SOX5: variants seen among roughly 807,000 people sequenced by gnomAD.
SOX5 encodes transcription factor SOX-5.
Under a neutral mutation model 92.0 loss-of-function variants are expected in SOX5, and 9 were observed. The ratio of observed to expected loss-of-function variants is 0.10; its 90% confidence interval spans 0.06 to 0.17. The LOEUF is 0.17. Among genes scored for constraint, SOX5 ranks in the 10% least tolerant of loss-of-function variants. The pLI is 1.00. For synonymous variants in SOX5, 344 were observed against 336.3 expected (o/e 1.02, Z -0.25); for missense variants, 642 against 944.5 (o/e 0.68, Z 4.20).
At chr12:24,416,180 GC>G (rs1964983289) in intron 1 of SOX5, among the ~76,000 whole-genome samples, 1 of 152,200 alleles carries the variant, frequency 6.6e-6, no homozygotes, top group African/African-American at 2.4e-5. Flanking sequence ...TTTGAAAGAA[GC>G]CAGATAACAG....
intron 7 of SOX5, among the ~76,000 whole-genome samples, chr12:23,655,871 A>T (rs541051530): frequency 9.2e-5 from 14 of 152,280 alleles, no homozygotes; most frequent in Non-Finnish European, 1.6e-4. Context: ...TCAGAGGCAT[A>T]GTGACCTAGA....
chr12:24,309,973 G>C (rs1449449896), intron 2 of SOX5, among the ~76,000 whole-genome samples: 1 of 152,098 alleles, frequency 6.6e-6, no homozygotes, highest in African/African-American at 2.4e-5. Flanking sequence ...TTCCCTACCT[G>C]ATTGCTAAAT....
intron 2 of SOX5, among the ~76,000 whole-genome samples, chr12:24,328,168 C>A (rs1021789687): frequency 6.6e-6 from 1 of 152,164 alleles, no homozygotes; most frequent in Non-Finnish European, 1.5e-5. Context: ...TGTTAGCTGG[C>A]CAATCTAAAC....
chr12:24,518,833 T>A (rs1208774536), intron 1 of SOX5, among the ~76,000 whole-genome samples: 1 of 152,208 alleles, frequency 6.6e-6, no homozygotes, highest in Admixed American at 6.5e-5. Flanking sequence ...CTGTAGGCTT[T>A]AAAAATCATT....
chr12:24,375,847 A>G (rs1302704425), intron 1 of SOX5, among the ~76,000 whole-genome samples: 1 of 152,160 alleles, frequency 6.6e-6, no homozygotes, highest in East Asian at 1.9e-4. Context: ...AAATTATTAC[A>G]CTATTTTATC....
chr12:23,779,598 A>G (rs902080731), intron 3 of SOX5, among the ~76,000 whole-genome samples: 1 of 151,532 alleles, frequency 6.6e-6, no homozygotes, highest in Non-Finnish European at 1.5e-5. Flanking sequence ...TTCCTAGTCC[A>G]TATGACAAAA....
intron 8 of SOX5, among the ~76,000 whole-genome samples, chr12:23,611,353 C>CGTGT (rs569434819): frequency 7.1e-6 from 1 of 140,270 alleles, no homozygotes; most frequent in African/African-American, 2.6e-5. Flanking sequence ...AGTATTCCAT[C>CGTGT]GTGTGTGTGT....
chr12:24,408,361 A>G (rs953145613), intron 1 of SOX5, among the ~76,000 whole-genome samples: 6 of 152,128 alleles, frequency 3.9e-5, no homozygotes, highest in African/African-American at 1.4e-4. Flanking sequence ...ATGCAGTTAC[A>G]AAAAAACACA....
intron 4 of SOX5, among the ~76,000 whole-genome samples, chr12:24,092,267 C>T (rs1447063018): frequency 6.6e-6 from 1 of 151,904 alleles, no homozygotes; most frequent in African/African-American, 2.4e-5. Context: ...TAAAGAAAAA[C>T]TTACTGACTT....
At position 23,888,172 on chromosome 12, in the gene SOX5, C is replaced by A. The variant is rs2097091334; in HGVS notation, c.270+7621G>T. Among the ~76,000 whole-genome samples, 3 of 152,202 alleles carry A rather than the reference C, an allele frequency of 2.0e-5. No individual in the cohort carries two copies. The South Asian group carries it at 6.2e-4, about 32-fold the overall frequency. On this transcript the variant is annotated intron_variant, in intron 2 of 14. Transcript: ENST00000451604. ...AGACTAGTTCTTATTCATTTCTATA[C>A]CTCCACTGATAAATATTCATTGTAT...
chr12:23,560,444 T>C (rs1004131495), intron 11 of SOX5, among the ~76,000 whole-genome samples: 4 of 152,230 alleles, frequency 2.6e-5, no homozygotes, highest in African/African-American at 9.6e-5. Flanking sequence ...ACTATATGCA[T>C]AGATATGTGG....
At chr12:23,776,005 A>C (rs1670025640) in intron 3 of SOX5, among the ~76,000 whole-genome samples, 1 of 152,210 alleles carries the variant, frequency 6.6e-6, no homozygotes, top group Non-Finnish European at 1.5e-5. Flanking sequence ...GCTTTACCTC[A>C]GATCACTAGG....
chr12:23,721,553 G>A (rs369696598), intron 6 of SOX5, among the ~76,000 whole-genome samples: 45 of 151,778 alleles, frequency 3.0e-4, no homozygotes, highest in East Asian at 1.9e-4. Flanking sequence ...AAGTGCATCC[G>A]GCAAGCTCCT....
At chr12:24,354,609 G>A (rs1954562222) in intron 2 of SOX5, among the ~76,000 whole-genome samples, 1 of 152,222 alleles carries the variant, frequency 6.6e-6, no homozygotes, top group Non-Finnish European at 1.5e-5. Context: ...ACTGGCCCAG[G>A]ATGAATGGTG....
intron 6 of SOX5, among the ~76,000 whole-genome samples, chr12:23,713,759 A>G (rs540356969): frequency 6.1e-5 from 9 of 147,190 alleles, no homozygotes; most frequent in Non-Finnish European, 1.4e-4. Flanking sequence ...GCGTGTGTGT[A>G]TATATATAAT....
intron 4 of SOX5, among the ~76,000 whole-genome samples, chr12:24,145,315 A>G (rs1290350517): frequency 6.6e-6 from 1 of 152,222 alleles, no homozygotes; most frequent in African/African-American, 2.4e-5. Flanking sequence ...CAAATGCAAG[A>G]TGGTAGATTT....
At chr12:23,870,698 A>G (rs966529528) in intron 2 of SOX5, among the ~76,000 whole-genome samples, 2 of 152,170 alleles carry the variant, frequency 1.3e-5, no homozygotes, top group South Asian at 2.1e-4. Context: ...TAGACCAGGT[A>G]TTTGCACATA....
At chr12:24,478,565 T>G (rs1945634249) in intron 1 of SOX5, among the ~76,000 whole-genome samples, 1 of 152,254 alleles carries the variant, frequency 6.6e-6, no homozygotes. Context: ...ACTGAGCTTA[T>G]TACTGTTCCT....
intron 6 of SOX5, among the ~76,000 whole-genome samples, chr12:23,681,231 A>G (rs1466227038): frequency 2.6e-5 from 4 of 152,034 alleles, no homozygotes; most frequent in Non-Finnish European, 5.9e-5. Context: ...GAGCATAAGT[A>G]GAAATGTTAA....
Sources: gnomAD v4.1 joint callset for allele counts (sites outside exome capture counted in the v4.1 genomes callset) on GRCh38, gnomAD v4.1.1 for gene constraint, MANE v1.5 for transcripts, NCBI Gene and HGNC (gene_info 2026-07-23, HGNC 2026-07-21) for gene names.